ZNF710: variants seen among roughly 807,000 people sequenced by gnomAD.
ZNF710 encodes zinc finger protein 710.
A neutral mutation model predicts 50.6 loss-of-function variants in ZNF710; 13 were observed. The ratio of observed to expected loss-of-function variants is 0.26; its 90% CI spans 0.17 to 0.41. The LOEUF (loss-of-function observed/expected upper bound fraction) is 0.41. Among genes scored for constraint, ZNF710 ranks in the 10% least tolerant of loss-of-function variants. ZNF710 has a pLI of 1.00. For missense variants in ZNF710, 721 were observed against 936.6 expected (o/e 0.77, Z 3.01); for synonymous variants, 383 against 397.0 (o/e 0.96, Z 0.42).
chr15:90,020,214 G>A (rs575147717), intron 1 of ZNF710, among the ~76,000 whole-genome samples: 64 of 152,316 alleles, frequency 4.2e-4, no homozygotes, highest in African/African-American at 1.5e-3. Flanking sequence ...GCGTGACAGC[G>A]CATTCTTCAT....
chr15:90,058,809 G>A (rs1338148665), intron 1 of ZNF710, among the ~76,000 whole-genome samples: 1 of 151,812 alleles, frequency 6.6e-6, no homozygotes, highest in Non-Finnish European at 1.5e-5. Context: ...AAAATCTGCA[G>A]GGCAGACCCG....
intron 2 of ZNF710, among the ~76,000 whole-genome samples, chr15:90,071,111 A>AT (rs1900365346): frequency 6.6e-6 from 1 of 152,006 alleles, no homozygotes; most frequent in African/African-American, 2.4e-5. Context: ...AAATACAAAA[A>AT]TTAGTTGGGC....
upstream of ZNF710, among the ~76,000 whole-genome samples, chr15:90,000,662 G>A (rs925610003): frequency 6.6e-6 from 1 of 152,248 alleles, no homozygotes; most frequent in Non-Finnish European, 1.5e-5. Flanking sequence ...CTGCGGGGAT[G>A]TTTGTTCCAG....
intron 1 of ZNF710, chr15:90,002,380 G>C (rs1048386438): frequency 6.6e-6 from 1 of 150,722 alleles, no homozygotes; most frequent in Non-Finnish European, 1.5e-5. Flanking sequence ...CTGTCTGGGG[G>C]CGTGGGGGTG....
intron 1 of ZNF710, among the ~76,000 whole-genome samples, chr15:90,052,038 C>G (rs1477292650): frequency 6.6e-6 from 1 of 152,144 alleles, no homozygotes; most frequent in East Asian, 1.9e-4. Flanking sequence ...CCCATTTCCT[C>G]CCCACCTCTG....
chr15:90,016,192 G>A (rs1488628701), intron 1 of ZNF710, among the ~76,000 whole-genome samples: 1 of 152,146 alleles, frequency 6.6e-6, no homozygotes, highest in East Asian at 1.9e-4. Context: ...TAGAAAGAAA[G>A]GAGGGTAGGC....
intron 2 of ZNF710, among the ~76,000 whole-genome samples, chr15:90,071,253 C>T (rs1034724635): frequency 1.5e-5 from 2 of 130,414 alleles, no homozygotes; most frequent in Admixed American, 1.5e-4. Context: ...AAAAGCAAGA[C>T]TCTGTCTTAA....
Position 90,067,318 on chromosome 15 carries a change from C to A in ZNF710, c.181C>A (p.Pro61Thr). ...AGGGGCAGCCATGGGAGAGCCCGAGCCACCAGGCCCCGACGTCTACCAGCT... is the reference window on the plus strand; with the variant it reads ...AGGGGCAGCCATGGGAGAGCCCGAGACACCAGGCCCCGACGTCTACCAGCT... ...LSGAAMGEPE[P>T]PGPDVYQLAC... Residue 61 changes from proline (P) to threonine (T), a missense_variant, in exon 2 of 5, where the codon CCA becomes ACA. By Grantham distance (38) the Pro-to-Thr change is conservative (BLOSUM62 -1). Transcript: ENST00000268154. The surrounding 1 kb of genome is among the most constrained non-coding windows in gnomAD (Gnocchi z 8.1). The A allele has an allele frequency of 6.2e-7, 1 of 1,606,990 alleles. No homozygotes were observed. Among genetic ancestry groups the A allele is most frequent in the South Asian group, 1.1e-5 (1 of 90,094 alleles).
intron 1 of ZNF710, among the ~76,000 whole-genome samples, chr15:90,038,462 C>CT (rs1288499730): frequency 6.6e-6 from 1 of 152,176 alleles, no homozygotes; most frequent in African/African-American, 2.4e-5. Context: ...GACAGCCCAC[C>CT]GTTAAGTACG....
upstream of ZNF710, among the ~76,000 whole-genome samples, chr15:89,999,135 A>G (rs191927471): frequency 2.0e-5 from 3 of 152,310 alleles, no homozygotes; most frequent in East Asian, 5.8e-4. Context: ...GCATTTGGCT[A>G]GCACAGCCTA....
At chr15:90,013,819 C>T (rs547270580) in intron 1 of ZNF710, among the ~76,000 whole-genome samples, 1 of 152,188 alleles carries the variant, frequency 6.6e-6, no homozygotes, top group Non-Finnish European at 1.5e-5. Context: ...GCCTTCCCCA[C>T]ACCATATGTT....
intron 2 of ZNF710, among the ~76,000 whole-genome samples, chr15:90,069,864 A>G (rs1900314849): frequency 6.6e-6 from 1 of 152,030 alleles, no homozygotes; most frequent in Admixed American, 6.6e-5. Context: ...TTTTCAGCCA[A>G]TATCACCTCC....
chr15:90,043,995 A>T (rs1899380974), intron 1 of ZNF710, among the ~76,000 whole-genome samples: 1 of 152,024 alleles, frequency 6.6e-6, no homozygotes, highest in Non-Finnish European at 1.5e-5. Context: ...TCAAGGGAAG[A>T]GACCAGTAGG....
At chr15:90,071,406 A>C (rs1381169484) in intron 2 of ZNF710, among the ~76,000 whole-genome samples, 1 of 152,182 alleles carries the variant, frequency 6.6e-6, no homozygotes, top group Non-Finnish European at 1.5e-5. Context: ...TTTATAAAAG[A>C]AACTCCTGAA....
At chr15:90,065,770 A>C (rs1900150984) in intron 1 of ZNF710, among the ~76,000 whole-genome samples, 1 of 152,196 alleles carries the variant, frequency 6.6e-6, no homozygotes, top group Non-Finnish European at 1.5e-5. Context: ...AGGCAGGTAC[A>C]GTGGCTCATG....
rs145693966 is a variant in ZNF710 at position 90,070,464 on chromosome 15, G to T, written c.1458+1869G>T. On this transcript the variant is annotated intron_variant, in intron 2 of 4. Transcript: ENST00000268154. The stretch of plus-strand genomic sequence containing the variant: ...AGGCAGGAGAATCACTTGAGCCCAG[G>T]AGTTTGAGACCAGCCTGGCTAACAT... Among the ~76,000 whole-genome samples, 950 of 151,946 alleles carry T rather than the reference G, an allele frequency of 6.3e-3. 7 individuals carry two copies. The highest frequency in any genetic ancestry group is 5.6e-3 in the Non-Finnish European group (382 of 67,976).
intron 1 of ZNF710, among the ~76,000 whole-genome samples, chr15:90,054,574 C>A (rs1403271997): frequency 6.6e-6 from 1 of 152,174 alleles, no homozygotes; most frequent in South Asian, 2.1e-4. Context: ...GGAAATGGTA[C>A]CCCCCATCCC....
chr15:90,060,225 C>T (rs1222437338), intron 1 of ZNF710, among the ~76,000 whole-genome samples: 1 of 152,212 alleles, frequency 6.6e-6, no homozygotes, highest in African/African-American at 2.4e-5. Flanking sequence ...TACCCACAAG[C>T]AAGCACCTAA....
intron 1 of ZNF710, among the ~76,000 whole-genome samples, chr15:90,058,238 G>T (rs1899887946): frequency 6.6e-6 from 1 of 152,184 alleles, no homozygotes; most frequent in Non-Finnish European, 1.5e-5. Flanking sequence ...ATTAGCAGGG[G>T]AAGGCAAGGA....
Sources: allele counts gnomAD v4.1 joint callset (sites outside exome capture counted in the v4.1 genomes callset), GRCh38; gene constraint gnomAD v4.1.1; non-coding constraint Gnocchi (gnomAD v3.1); transcripts MANE v1.5; gene names NCBI Gene and HGNC (gene_info 2026-07-23, HGNC 2026-07-21).